The following ADAMTS17 variants were observed in gnomAD, a reference collection of about 807,000 sequenced individuals.
ADAMTS17 encodes A disintegrin and metalloproteinase with thrombospondin motifs 17.
A neutral mutation model predicts 141.5 loss-of-function variants in ADAMTS17; 113 were observed. The observed-to-expected ratio is 0.80, with a 90% confidence interval of 0.69 to 0.93. ADAMTS17 has a LOEUF of 0.93. ADAMTS17 is among the 40% of genes least tolerant of loss of function. The pLI, the probability that ADAMTS17 is intolerant of heterozygous loss-of-function variation, is 0.00. For missense variants in ADAMTS17, 1,659 were observed against 1,517.9 expected (o/e 1.09, Z -1.54); for synonymous variants, 768 against 630.6 (o/e 1.22, Z -3.27).
intron 2 of ADAMTS17, among the ~76,000 whole-genome samples, chr15:100,335,402 T>A (rs750525042): frequency 2.6e-5 from 4 of 152,118 alleles, no homozygotes; most frequent in Non-Finnish European, 5.9e-5. Context: ...AGTCACTCAC[T>A]TCTCCCTCCT....
At chr15:100,199,485 A>ACTTGCCCGGTG in intron 7 of ADAMTS17, 62 bp from the exon 8 acceptor site, 1 of 1,386,682 alleles carries the variant, frequency 7.2e-7, no homozygotes. Context: ...CTCACCGGGC[A>ACTTGCCCGGTG]AGTCCGCACG....
At chr15:100,020,711 T>C (rs528463048) in intron 18 of ADAMTS17, among the ~76,000 whole-genome samples, 3 of 152,194 alleles carry the variant, frequency 2.0e-5, no homozygotes, top group Admixed American at 6.5e-5. Flanking sequence ...TGAAAAGAGG[T>C]TTCCCAGGGG....
intron 15 of ADAMTS17, among the ~76,000 whole-genome samples, chr15:100,064,161 C>T (rs896847655): frequency 6.6e-6 from 1 of 152,070 alleles, no homozygotes. Flanking sequence ...GGGAGAATGT[C>T]GCGAGAACAT....
chr15:100,158,681 C>A (rs2039550430), intron 8 of ADAMTS17, among the ~76,000 whole-genome samples: 1 of 152,148 alleles, frequency 6.6e-6, no homozygotes, highest in Admixed American at 6.5e-5. Context: ...TGGAATCCTG[C>A]AGTATTTTTC....
At chr15:100,055,003 G>GA (rs1315640489) in intron 15 of ADAMTS17, among the ~76,000 whole-genome samples, 132 of 151,806 alleles carry the variant, frequency 8.7e-4, no homozygotes, top group African/African-American at 3.0e-3. Flanking sequence ...TGTTATTTAG[G>GA]GAAAAAAAAA....
At position 100,285,128 on chromosome 15, in the gene ADAMTS17, G is replaced by A. The variant is rs147712460; in HGVS notation, c.617-3727C>T. ...TGACTTGGAAAATTTTCAGTCTCTG[G>A]CTTCATACTATTTTTCTTACATCTC... On this transcript the variant is annotated intron_variant, in intron 3 of 21. Coordinates refer to ENST00000268070, the MANE Select transcript of ADAMTS17 (RefSeq NM_139057.4). Among the ~76,000 whole-genome samples the A allele has an allele frequency of 1.4e-3, 219 of 152,260 alleles. 3 individuals are homozygous for A. The highest frequency in any genetic ancestry group is 2.6e-3 in the Non-Finnish European group (175 of 68,018).
At chr15:100,297,291 G>C (rs1313901153) in intron 3 of ADAMTS17, among the ~76,000 whole-genome samples, 1 of 152,206 alleles carries the variant, frequency 6.6e-6, no homozygotes, top group Admixed American at 6.5e-5. Context: ...GCAGGGTCAT[G>C]TGGGATGTGT....
At chr15:100,006,637 G>A (rs899878742) in intron 18 of ADAMTS17, among the ~76,000 whole-genome samples, 3 of 152,228 alleles carry the variant, frequency 2.0e-5, no homozygotes, top group African/African-American at 7.2e-5. Context: ...GCTAACAAGT[G>A]GTTTGTCCAG....
intron 15 of ADAMTS17, among the ~76,000 whole-genome samples, chr15:100,086,344 A>C (rs2035100349): frequency 6.6e-6 from 1 of 150,658 alleles, no homozygotes; most frequent in South Asian, 2.1e-4. Flanking sequence ...CAGATTCATA[A>C]AGCAAGTCCT....
At chr15:100,200,719 A>C (rs1177773392) in intron 7 of ADAMTS17, among the ~76,000 whole-genome samples, 1 of 152,152 alleles carries the variant, frequency 6.6e-6, no homozygotes, top group East Asian at 1.9e-4. Context: ...GATGACGGCT[A>C]AATACAGCTG....
At chr15:100,275,019 T>G (rs753829793) in intron 4 of ADAMTS17, among the ~76,000 whole-genome samples, 15 of 152,152 alleles carry the variant, frequency 9.9e-5, no homozygotes, top group Non-Finnish European at 1.8e-4. Flanking sequence ...AATATGGAAT[T>G]GTAAATTCAG....
intron 18 of ADAMTS17, among the ~76,000 whole-genome samples, chr15:100,026,404 G>A (rs1381072554): frequency 6.6e-6 from 1 of 152,180 alleles, no homozygotes; most frequent in Non-Finnish European, 1.5e-5. Flanking sequence ...GGAAGCTAAA[G>A]CAACTGCATC....
intron 18 of ADAMTS17, among the ~76,000 whole-genome samples, chr15:100,040,679 CAAAAAAA>C (rs113073664): frequency 9.7e-6 from 1 of 102,666 alleles, no homozygotes; most frequent in Non-Finnish European, 2.3e-5. Context: ...GTCAAATGAC[CAAAAAAA>C]AAAAAAAACC....
At chr15:100,126,225 A>G (rs1162067663) in intron 12 of ADAMTS17, 1 of 151,952 alleles carries the variant, frequency 6.6e-6, no homozygotes, top group Non-Finnish European at 1.5e-5. Flanking sequence ...CTGGTAATCC[A>G]CCCACCCAAG....
chr15:100,160,938 A>C (rs1457146539), intron 8 of ADAMTS17, among the ~76,000 whole-genome samples: 3 of 152,208 alleles, frequency 2.0e-5, no homozygotes, highest in Non-Finnish European at 4.4e-5. Flanking sequence ...TTGACTGAGA[A>C]ACTCATATTA....
At chr15:100,325,303 C>T (rs1172151695) in intron 3 of ADAMTS17, among the ~76,000 whole-genome samples, 3 of 152,150 alleles carry the variant, frequency 2.0e-5, no homozygotes, top group Non-Finnish European at 4.4e-5. Flanking sequence ...ACCCCCAGGA[C>T]CTTAGAATGT....
chr15:100,294,804 C>T (rs2044754195), intron 3 of ADAMTS17, among the ~76,000 whole-genome samples: 1 of 152,166 alleles, frequency 6.6e-6, no homozygotes, highest in African/African-American at 2.4e-5. Context: ...CATGATAAAA[C>T]AAAATGTGGC....
intron 5 of ADAMTS17, 104 bp from the exon 6 acceptor site, chr15:100,261,740 G>C (rs1170717974): frequency 1.5e-6 from 2 of 1,318,650 alleles, no homozygotes; most frequent in Non-Finnish European, 2.1e-6. Flanking sequence ...CACTCACTGA[G>C]ACATCATTTG....
At chr15:100,246,185 T>C (rs1043988163) in intron 7 of ADAMTS17, among the ~76,000 whole-genome samples, 1 of 152,166 alleles carries the variant, frequency 6.6e-6, no homozygotes, top group African/African-American at 2.4e-5. Context: ...GAAAGGGAAC[T>C]AGTTTCCTAA....
Sources: gnomAD v4.1 joint callset for allele counts (sites outside exome capture counted in the v4.1 genomes callset) on GRCh38, gnomAD v4.1.1 for gene constraint, MANE v1.5 for transcripts, NCBI Gene and HGNC (gene_info 2026-07-23, HGNC 2026-07-21) for gene names.